GRM8: variants seen among roughly 807,000 people sequenced by gnomAD.
GRM8 encodes metabotropic glutamate receptor 8.
GRM8 carries 47 observed loss-of-function variants against 87.2 expected under a neutral mutation model. The observed-to-expected ratio is 0.54, with a 90% CI of 0.43 to 0.69. GRM8 has a LOEUF of 0.69. Ranked by LOEUF, GRM8 falls within the 30% of genes least tolerant of loss-of-function variation. The pLI is 0.00. For missense variants in GRM8, 1,019 were observed against 1,139.2 expected (o/e 0.89, Z 1.52); for synonymous variants, 396 against 404.5 (o/e 0.98, Z 0.25).
At chr7:126,769,783 G>A (rs545457893) in intron 7 of GRM8, 82 bp downstream of exon 7, 23 of 857,968 alleles carry the variant, frequency 2.7e-5, no homozygotes, top group Middle Eastern at 2.3e-4. Flanking sequence ...TTTCCACTCT[G>A]CCTGGGTATC....
intron 9 of GRM8, among the ~76,000 whole-genome samples, chr7:126,510,314 C>T (rs1003949117): frequency 1.4e-5 from 2 of 145,914 alleles, no homozygotes; most frequent in African/African-American, 2.5e-5. Context: ...AAAAAATGAA[C>T]TCAATATGAT....
At chr7:126,756,207 C>CA (rs1302951967) in intron 7 of GRM8, among the ~76,000 whole-genome samples, 14 of 151,176 alleles carry the variant, frequency 9.3e-5, no homozygotes, top group Non-Finnish European at 1.5e-4. Flanking sequence ...CAACCCCATG[C>CA]AAAAAAAATA....
intron 9 of GRM8, among the ~76,000 whole-genome samples, chr7:126,518,195 T>C (rs972953127): frequency 6.6e-6 from 1 of 152,066 alleles, no homozygotes; most frequent in Admixed American, 6.6e-5. Context: ...AACTCGCTAA[T>C]GTGAAGCGAA....
chr7:126,901,052 G>T (rs950767360), intron 6 of GRM8, among the ~76,000 whole-genome samples: 4 of 152,186 alleles, frequency 2.6e-5, no homozygotes, highest in African/African-American at 7.2e-5. Flanking sequence ...TCAAGACTGT[G>T]CATGGTCTGG....
chr7:126,477,523 TTA>T (rs1806071008), intron 9 of GRM8, among the ~76,000 whole-genome samples: 1 of 149,232 alleles, frequency 6.7e-6, no homozygotes. Flanking sequence ...TATTTGTCAA[TTA>T]TGTCTCAATA....
chr7:126,465,226 C>T (rs1467343635), intron 9 of GRM8: 1 of 151,656 alleles, frequency 6.6e-6, no homozygotes, highest in Non-Finnish European at 1.5e-5. Flanking sequence ...AATTTGATAG[C>T]AAACCTCAAT....
intron 6 of GRM8, among the ~76,000 whole-genome samples, chr7:126,845,838 A>G (rs1302023416): frequency 6.6e-6 from 1 of 152,032 alleles, no homozygotes; most frequent in Non-Finnish European, 1.5e-5. Context: ...TGAAGTCTAG[A>G]TATCATGTCA....
At chr7:127,173,179 A>G (rs1563557595) in intron 2 of GRM8, among the ~76,000 whole-genome samples, 1 of 152,216 alleles carries the variant, frequency 6.6e-6, no homozygotes, top group Non-Finnish European at 1.5e-5. Flanking sequence ...ATGAACAAGT[A>G]AATTATGTAA....
At chr7:127,126,442 T>C (rs1047853578) in intron 2 of GRM8, among the ~76,000 whole-genome samples, 1 of 151,696 alleles carries the variant, frequency 6.6e-6, no homozygotes, top group Non-Finnish European at 1.5e-5. Context: ...ACACACAGAG[T>C]ATAGAATGGT....
intron 6 of GRM8, 87 bp downstream of exon 6, chr7:126,902,449 CATCATT>C: frequency 1.0e-6 from 1 of 1,004,962 alleles, no homozygotes; most frequent in Non-Finnish European, 1.4e-6. Context: ...AAAATACATT[CATCATT>C]ATCCATATAG....
chr7:127,076,083 A>T, intron 3 of GRM8: 1 of 438,910 alleles, frequency 2.3e-6, no homozygotes, highest in Non-Finnish European at 4.6e-6. Context: ...AGAAGAAGAA[A>T]CTTGAGAAAG....
At chr7:126,925,889 T>C (rs374595602) in intron 3 of GRM8, among the ~76,000 whole-genome samples, 2 of 152,202 alleles carry the variant, frequency 1.3e-5, no homozygotes, top group East Asian at 3.8e-4. Flanking sequence ...GTTCTAAATA[T>C]CACTGCAATA....
At chr7:126,592,614 T>C (rs1268591396) in intron 8 of GRM8, among the ~76,000 whole-genome samples, 3 of 151,666 alleles carry the variant, frequency 2.0e-5, no homozygotes, top group African/African-American at 7.3e-5. Flanking sequence ...AACAATTAGG[T>C]ATAAAAACTC....
At chr7:126,805,579 G>A (rs968699397) in intron 6 of GRM8, among the ~76,000 whole-genome samples, 1 of 152,146 alleles carries the variant, frequency 6.6e-6, no homozygotes, top group Non-Finnish European at 1.5e-5. Flanking sequence ...CAGTACCCAT[G>A]GATACCTCTT....
At chr7:127,199,138 G>T (rs1348426411) in intron 2 of GRM8, among the ~76,000 whole-genome samples, 2 of 143,232 alleles carry the variant, frequency 1.4e-5, no homozygotes, top group Non-Finnish European at 3.2e-5. Context: ...ACCGCACCCG[G>T]CTTTTTTTTT....
chr7:126,665,105 A>G (rs1805619742), intron 7 of GRM8, among the ~76,000 whole-genome samples: 1 of 152,180 alleles, frequency 6.6e-6, no homozygotes, highest in African/African-American at 2.4e-5. Context: ...TTTAAAAGTT[A>G]AAAATAACAG....
At chr7:126,525,366 G>T (rs1175669193) in intron 9 of GRM8, among the ~76,000 whole-genome samples, 1 of 152,114 alleles carries the variant, frequency 6.6e-6, no homozygotes, top group African/African-American at 2.4e-5. Context: ...CTCTTTCAGT[G>T]CCTTATAGGT....
intron 7 of GRM8, among the ~76,000 whole-genome samples, chr7:126,700,354 T>C (rs115114907): frequency 1.3e-3 from 196 of 152,280 alleles, no homozygotes; most frequent in African/African-American, 4.6e-3. Flanking sequence ...CAGATTTGAA[T>C]ACAGCATGCC....
At chr7:127,185,563 G>C (rs190383112) in intron 2 of GRM8, among the ~76,000 whole-genome samples, 7 of 152,024 alleles carry the variant, frequency 4.6e-5, no homozygotes, top group Non-Finnish European at 8.8e-5. Context: ...GTTTGACAAC[G>C]AATTTTTAGA....
Sources: gnomAD v4.1 joint callset for allele counts (sites outside exome capture counted in the v4.1 genomes callset) on GRCh38, gnomAD v4.1.1 for gene constraint, MANE v1.5 for transcripts, NCBI Gene and HGNC (gene_info 2026-07-23, HGNC 2026-07-21) for gene names.